The following CCDC88C variants were observed in gnomAD, a reference collection of about 807,000 sequenced individuals.
The protein encoded by CCDC88C is protein Daple.
CCDC88C carries 131 observed loss-of-function variants against 198.8 expected under a neutral mutation model. The ratio of observed to expected loss-of-function variants is 0.66; its 90% CI spans 0.57 to 0.76. The LOEUF (loss-of-function observed/expected upper bound fraction) is 0.76. Among genes scored for constraint, CCDC88C ranks in the 30% least tolerant of loss-of-function variants. The pLI, the probability that CCDC88C is intolerant of heterozygous loss-of-function variation, is 0.00. For missense variants in CCDC88C, 2,553 were observed against 2,631.6 expected (o/e 0.97, Z 0.65); for synonymous variants, 1,166 against 1,114.7 (o/e 1.05, Z -0.92).
chr14:91,389,186 T>G (rs1885330502), intron 3 of CCDC88C, among the ~76,000 whole-genome samples: 1 of 151,336 alleles, frequency 6.6e-6, no homozygotes, highest in Non-Finnish European at 1.5e-5. Context: ...TCAAGTGGAG[T>G]GGGGGTAGTT....
At chr14:91,274,361 GGGAGCA>G (rs71120128) in intron 29 of CCDC88C, among the ~76,000 whole-genome samples, 480 of 152,358 alleles carry the variant, frequency 3.2e-3, no homozygotes, top group Middle Eastern at 6.8e-3. Context: ...CCCCTGCCCA[GGGAGCA>G]GGTGTCATTT....
chr14:91,410,428 G>C (rs1446519539), intron 2 of CCDC88C, among the ~76,000 whole-genome samples: 3 of 152,028 alleles, frequency 2.0e-5, no homozygotes, highest in Non-Finnish European at 2.9e-5. Flanking sequence ...CCAATAATTA[G>C]TAGAAAATTG....
At chr14:91,298,076 G>T (rs954930417) in intron 21 of CCDC88C, among the ~76,000 whole-genome samples, 2 of 152,076 alleles carry the variant, frequency 1.3e-5, no homozygotes, top group South Asian at 2.1e-4. Flanking sequence ...TCATTACCAG[G>T]GTCTTGTGGA....
chr14:91,330,452 C>T (rs1327259243), intron 10 of CCDC88C, among the ~76,000 whole-genome samples: 1 of 152,148 alleles, frequency 6.6e-6, no homozygotes, highest in Non-Finnish European at 1.5e-5. Flanking sequence ...CAGACAGAGG[C>T]AGACTGGCCA....
intron 5 of CCDC88C, 76 bp downstream of exon 5, chr14:91,343,523 G>T: frequency 6.3e-7 from 1 of 1,589,468 alleles, no homozygotes; most frequent in Non-Finnish European, 8.6e-7. Context: ...TAAGCTAAGG[G>T]CTCGGTCAAG....
rs929693676 is a variant in CCDC88C at position 91,271,915 on chromosome 14, G to C, written c.*710C>G. The C allele has an allele frequency of 4.6e-5, 7 of 152,860 alleles. No homozygotes were observed. The highest frequency in any genetic ancestry group is 1.4e-4 in the African/African-American group (6 of 41,468). The allele number at this position is 152,860 out of a possible 1,614,324, so 9.5% of individuals were successfully genotyped here. The stretch of plus-strand genomic sequence containing the variant: ...CCAGTGTTTGCAGAAAAGTGAGCCA[G>C]GGAAATCTAGGAAGGCAGGTGCCTG... On this transcript the variant is annotated 3_prime_UTR_variant, in exon 30 of 30. Coordinates refer to ENST00000389857, the MANE Select transcript of CCDC88C (RefSeq NM_001080414.4).
chr14:91,272,977 C>A lies in CCDC88C; in HGVS notation c.5735G>T (p.Gly1912Val). The A allele has an allele frequency of 6.4e-7, 1 of 1,557,066 alleles. No individual in the cohort carries two copies. Residue 1912 changes from glycine to valine, a missense_variant, in exon 30 of 30, where the codon GGT becomes GTT. This residue lies in a region of CCDC88C where 1,293 missense variants were observed against 1,219.6 expected (regional missense o/e 1.06). Coordinates refer to ENST00000389857, the MANE Select transcript of CCDC88C (RefSeq NM_001080414.4). ...SATAPAIATA[G>V]AGAAAAGSGS... ...ACTGCCAGCAGCAGCAGCACCAGCA[C>A]CTGCAGTGGCAATGGCGGGGGCTGT...
At chr14:91,354,726 A>G (rs928227958) in intron 4 of CCDC88C, among the ~76,000 whole-genome samples, 2 of 152,174 alleles carry the variant, frequency 1.3e-5, no homozygotes, top group East Asian at 1.9e-4. Flanking sequence ...GTATTTACTG[A>G]GCACCTACTA....
intron 10 of CCDC88C, among the ~76,000 whole-genome samples, chr14:91,329,550 C>A (rs1892724010): frequency 6.6e-6 from 1 of 152,226 alleles, no homozygotes; most frequent in Admixed American, 6.5e-5. Context: ...CCTGTGAAGG[C>A]TGAAGCTCAC....
At chr14:91,405,352 A>G (rs1201639801) in intron 3 of CCDC88C, among the ~76,000 whole-genome samples, 1 of 152,204 alleles carries the variant, frequency 6.6e-6, no homozygotes, top group Non-Finnish European at 1.5e-5. Context: ...AAAAAGCCAC[A>G]GGTGAGAGGG....
At chr14:91,314,836 A>G (rs1892022747) in intron 14 of CCDC88C, among the ~76,000 whole-genome samples, 1 of 152,184 alleles carries the variant, frequency 6.6e-6, no homozygotes, top group Non-Finnish European at 1.5e-5. Context: ...TACAGATGCC[A>G]AAAAGCTAAA....
chr14:91,300,277 C>T (rs1891215354), intron 20 of CCDC88C, among the ~76,000 whole-genome samples: 1 of 152,198 alleles, frequency 6.6e-6, no homozygotes, highest in Non-Finnish European at 1.5e-5. Flanking sequence ...AGCCCTGGAG[C>T]CCAGAATCCT....
chr14:91,372,424 C>A (rs1310550836), intron 3 of CCDC88C, among the ~76,000 whole-genome samples: 1 of 150,998 alleles, frequency 6.6e-6, no homozygotes, highest in Non-Finnish European at 1.5e-5. Context: ...GCACTGGGAG[C>A]AGAGGAGAGC....
rs1894828007 is a variant in CCDC88C, at chr14:91,371,999, A to C, written c.271-12288T>G. 6.6e-6 allele frequency among the ~76,000 whole-genome samples: 1 copy of C among 152,078 alleles called. No homozygotes were observed. Among genetic ancestry groups the C allele is most frequent in the African/African-American group, 2.4e-5 (1 of 41,410 alleles). On this transcript the variant is annotated intron_variant, in intron 3 of 29. Transcript: ENST00000389857. This position sits in a 1 kb window ranked among gnomAD's most constrained non-coding sequence, Gnocchi z 4.2. ...AGCCAGCCCCCAACCTCACGCCCCA[A>C]CCTGAGCCCAGGCCTCAGGGTACGA...
intron 25 of CCDC88C, 54 bp downstream of exon 25, chr14:91,289,051 C>T (rs2139741604): frequency 6.9e-7 from 1 of 1,455,988 alleles, no homozygotes; most frequent in East Asian, 2.4e-5. Context: ...CGGTGCGGGA[C>T]CCTTCAGGAC....
intron 22 of CCDC88C, 58 bp from the exon 23 acceptor site, chr14:91,294,376 G>A: frequency 6.3e-7 from 1 of 1,586,696 alleles, no homozygotes; most frequent in East Asian, 2.3e-5. Flanking sequence ...CCCACTGCTG[G>A]GAACCTAGCT....
chr14:91,296,827 C>T (rs919348981), intron 22 of CCDC88C, among the ~76,000 whole-genome samples: 3 of 152,126 alleles, frequency 2.0e-5, no homozygotes, highest in Non-Finnish European at 4.4e-5. Context: ...AAGATCTCAT[C>T]TGGAGAGGGT....
At chr14:91,329,801 C>T (rs1227268970) in intron 10 of CCDC88C, among the ~76,000 whole-genome samples, 2 of 152,252 alleles carry the variant, frequency 1.3e-5, no homozygotes, top group Non-Finnish European at 2.9e-5. Context: ...TCATTCCCAG[C>T]AGGTGGGGAA....
chr14:91,313,632 C>T lies in CCDC88C; in HGVS notation c.2184G>A (p.Arg728=). Residue 728 remains arginine (R), a synonymous_variant, in exon 15 of 30, where the codon AGG becomes AGA. Transcript: ENST00000389857. This position sits in a 1 kb window ranked among gnomAD's most constrained non-coding sequence, Gnocchi z 5.2. ...FTSTKLAQME[R]ENQQLEREKE... ...TCTCACGCTCCAGCTGCTGGTTCTC[C>T]CTCTCCATCTGTGCCAGCTTGGTGC... 2.5e-6 allele frequency: 4 copies of T among 1,612,758 alleles called. No individual in the cohort carries two copies. The highest frequency in any genetic ancestry group is 3.4e-6 in the Non-Finnish European group (4 of 1,179,902).
Sources: allele counts gnomAD v4.1 joint callset (sites outside exome capture counted in the v4.1 genomes callset), GRCh38; gene constraint gnomAD v4.1.1; regional missense constraint gnomAD v4.1.1; non-coding constraint Gnocchi (gnomAD v3.1); transcripts MANE v1.5; gene names NCBI Gene and HGNC (gene_info 2026-07-23, HGNC 2026-07-21).